The following FAT3 variants were observed in gnomAD, a reference collection of about 807,000 sequenced individuals.
The protein encoded by FAT3 is FAT atypical cadherin 3.
FAT3 carries 95 observed loss-of-function variants against 310.2 expected under a neutral mutation model. That is an observed-to-expected ratio of 0.31 (90% CI 0.26 to 0.36). The LOEUF is 0.36. FAT3 is among the 10% of genes least tolerant of loss of function. The probability of loss-of-function intolerance (pLI) is 1.00; values close to 1 mark genes in which losing one functional copy is unlikely to be tolerated. For synonymous variants in FAT3, 2,314 were observed against 2,192.9 expected, an observed-to-expected ratio of 1.06 and a Z score of -1.54; for missense variants, 5,408 against 5,715.6, an observed-to-expected ratio of 0.95 and a Z score of 1.74.
At chr11:92,316,315 C>A (rs557489970) in intron 1 of FAT3, among the ~76,000 whole-genome samples, 1 of 152,076 alleles carries the variant, frequency 6.6e-6, no homozygotes, top group Non-Finnish European at 1.5e-5. Context: ...AGTACTCAGA[C>A]GCAATCTGTG....
intron 2 of FAT3, among the ~76,000 whole-genome samples, chr11:92,466,556 T>A (rs1210677765): frequency 6.7e-6 from 1 of 149,718 alleles, no homozygotes; most frequent in African/African-American, 2.4e-5. Flanking sequence ...TCCGCATATC[T>A]TTTTTTTTTA....
At chr11:92,385,841 CA>C (rs1949606992) in intron 2 of FAT3, among the ~76,000 whole-genome samples, 1 of 151,938 alleles carries the variant, frequency 6.6e-6, no homozygotes, top group African/African-American at 2.4e-5. Flanking sequence ...CATGAATATG[CA>C]AAACACAAAA....
chr11:92,562,725 G>A lies in FAT3; in HGVS notation c.3607+37777G>A, dbSNP rs377544454. On this transcript the variant is annotated intron_variant, in intron 3 of 27. Transcript: ENST00000525166. Reference sequence around the variant, plus strand: ...CTGTTATAATTCCTGGAGTTTGAAGGCCCAAGAACCATAAACTCTGATGTC... The same window carrying A: ...CTGTTATAATTCCTGGAGTTTGAAGACCCAAGAACCATAAACTCTGATGTC... Among the ~76,000 whole-genome samples the A allele has an allele frequency of 4.6e-4, 70 of 152,242 alleles. 1 individual carries two copies. Among genetic ancestry groups the A allele is most frequent in the African/African-American group, 1.5e-3 (62 of 41,554 alleles).
rs1353608461 is a variant in FAT3, at chr11:92,368,429, GAAC to G, written c.3292+13034_3292+13036del. ...CTGCTGCAAGTCTGTGTTCCATAAA[GAAC>G]AACAACAAAAAAACTAGTAATTTCT... On this transcript the variant is annotated intron_variant, in intron 2 of 27. Coordinates refer to ENST00000525166, the MANE Select transcript of FAT3 (RefSeq NM_001367949.2). Among the ~76,000 whole-genome samples the G allele has an allele frequency of 2.6e-5, 4 of 152,062 alleles. No homozygotes were observed. The East Asian group carries it at 7.7e-4, about 29-fold the overall frequency.
At chr11:92,705,421 GTGGTGGTGGTGGTGA>G (rs1295230602) in intron 4 of FAT3, among the ~76,000 whole-genome samples, 2 of 50,930 alleles carry the variant, frequency 3.9e-5, no homozygotes, top group Admixed American at 2.0e-4. Context: ...GATGGTGGTA[GTGGTGGTGGTGGTGA>G]TGGTGGTGGT....
chr11:92,594,440 T>C (rs1235092609), intron 3 of FAT3, among the ~76,000 whole-genome samples: 1 of 152,140 alleles, frequency 6.6e-6, no homozygotes. Context: ...AGACTGCATC[T>C]CAAAACAAAA....
intron 3 of FAT3, among the ~76,000 whole-genome samples, chr11:92,542,569 G>A (rs1417874995): frequency 2.6e-5 from 4 of 151,770 alleles, no homozygotes; most frequent in Admixed American, 2.0e-4. Flanking sequence ...CATACGAATG[G>A]CCAACAGGTA....
At chr11:92,522,802 G>T (rs1953730103) in intron 2 of FAT3, among the ~76,000 whole-genome samples, 1 of 152,026 alleles carries the variant, frequency 6.6e-6, no homozygotes, top group Non-Finnish European at 1.5e-5. Flanking sequence ...CTAAAATCCT[G>T]CCCCAAAGTG....
In FAT3 at chr11:92,797,697, T is replaced by C. The variant is rs143869533; in HGVS notation, c.4823-139T>C. 1.9e-3 allele frequency: 1,338 copies of C among 719,374 alleles called. 10 individuals are homozygous for C. The African/African-American group carries it at 0.022, about 12-fold the overall frequency. The allele number at this position is 719,374 out of a possible 1,614,324, so 44.6% of individuals were successfully genotyped here. A position where few individuals can be genotyped will look rare whatever the true frequency, so the allele number is the denominator to read the frequency against. ...CCTGAAAGAGAAGCCTCTCATTTTATTTCAGAATGACACAGATGAGTACTA... is the reference window on the plus strand; with the variant it reads ...CCTGAAAGAGAAGCCTCTCATTTTACTTCAGAATGACACAGATGAGTACTA... On this transcript the variant is annotated intron_variant, in intron 9 of 27. Coordinates refer to ENST00000525166, the MANE Select transcript of FAT3 (RefSeq NM_001367949.2).
intron 4 of FAT3, 149 bp downstream of exon 4, chr11:92,697,594 G>A: frequency 1.1e-5 from 9 of 849,642 alleles, no homozygotes; most frequent in Non-Finnish European, 1.7e-5. Flanking sequence ...TGAATTTAGG[G>A]ATTTCTAGTG....
chr11:92,540,946 G>A (rs1339921699), intron 3 of FAT3, among the ~76,000 whole-genome samples: 1 of 151,996 alleles, frequency 6.6e-6, no homozygotes, highest in Non-Finnish European at 1.5e-5. Flanking sequence ...TCAAGCTACA[G>A]GAAAAGGAAA....
chr11:92,307,889 G>A (rs1329377955), intron 1 of FAT3, among the ~76,000 whole-genome samples: 1 of 151,990 alleles, frequency 6.6e-6, no homozygotes, highest in Admixed American at 6.6e-5. Context: ...AGTACCACAT[G>A]GGAATTAGTA....
chr11:92,711,421 C>A (rs997558815), intron 4 of FAT3, among the ~76,000 whole-genome samples: 2 of 152,056 alleles, frequency 1.3e-5, no homozygotes, highest in African/African-American at 4.8e-5. Flanking sequence ...TATAGCCCAG[C>A]CCCCCAGGAG....
chr11:92,363,019 A>ACCTGTGT (rs1486598139), intron 2 of FAT3, among the ~76,000 whole-genome samples: 1 of 152,226 alleles, frequency 6.6e-6, no homozygotes, highest in East Asian at 1.9e-4. Context: ...TTGCTAAAGA[A>ACCTGTGT]CCTGTGTCCT....
At chr11:92,441,845 TC>T (rs1462154078) in intron 2 of FAT3, among the ~76,000 whole-genome samples, 1 of 151,818 alleles carries the variant, frequency 6.6e-6, no homozygotes, top group Admixed American at 6.6e-5. Flanking sequence ...TGGGTCTTAC[TC>T]AGAACCTCAT....
chr11:92,398,597 C>A (rs1286253276), intron 2 of FAT3, among the ~76,000 whole-genome samples: 1 of 151,488 alleles, frequency 6.6e-6, no homozygotes. Context: ...AACTTGATTG[C>A]CTCTACTACA....
intron 3 of FAT3, among the ~76,000 whole-genome samples, chr11:92,551,108 G>T (rs1281682754): frequency 2.0e-5 from 3 of 152,016 alleles, no homozygotes; most frequent in African/African-American, 7.2e-5. Flanking sequence ...GCCCTGATCT[G>T]ATCCCTGTGA....
intron 2 of FAT3, among the ~76,000 whole-genome samples, chr11:92,501,192 A>G (rs1313452893): frequency 6.6e-6 from 1 of 152,020 alleles, no homozygotes; most frequent in Non-Finnish European, 1.5e-5. Context: ...CCATCAAACT[A>G]GAAAGTCTTC....
intron 3 of FAT3, among the ~76,000 whole-genome samples, chr11:92,580,110 T>C (rs1938708076): frequency 6.6e-6 from 1 of 152,062 alleles, no homozygotes; most frequent in Non-Finnish European, 1.5e-5. Flanking sequence ...TAAATTAGCA[T>C]GAAAAATATT....
Sources: allele counts gnomAD v4.1 joint callset (sites outside exome capture counted in the v4.1 genomes callset), GRCh38; gene constraint gnomAD v4.1.1; transcripts MANE v1.5; gene names NCBI Gene and HGNC (gene_info 2026-07-23, HGNC 2026-07-21).